INSR: variants seen among roughly 807,000 people sequenced by gnomAD.
The protein encoded by INSR is IR.
In INSR, 67 loss-of-function variants were observed where a neutral mutation model predicts 142.6. That is an observed-to-expected ratio of 0.47 (90% CI 0.39 to 0.58). The LOEUF is 0.58. Ranked by LOEUF, INSR falls within the 20% of genes least tolerant of loss-of-function variation. The probability of loss-of-function intolerance (pLI) is 0.00; values close to 1 mark genes in which losing one functional copy is unlikely to be tolerated. For missense variants in INSR, 1,248 were observed against 1,833.2 expected, an observed-to-expected ratio of 0.68 and a Z score of 5.83; for synonymous variants, 756 against 743.1, an observed-to-expected ratio of 1.02 and a Z score of -0.28.
At chr19:7,185,981 G>A (rs1274940153) in intron 2 of INSR, among the ~76,000 whole-genome samples, 1 of 151,146 alleles carries the variant, frequency 6.6e-6, no homozygotes, top group Non-Finnish European at 1.5e-5. Context: ...GATCACCTGA[G>A]GTCAGGAGTT....
At chr19:7,212,070 A>T (rs1404065693) in intron 2 of INSR, among the ~76,000 whole-genome samples, 1 of 140,432 alleles carries the variant, frequency 7.1e-6, no homozygotes, top group Non-Finnish European at 1.5e-5. Context: ...CGTCTTGTAC[A>T]TTGCAGGGTG....
chr19:7,227,220 G>A (rs895070862), intron 2 of INSR, among the ~76,000 whole-genome samples: 1 of 151,962 alleles, frequency 6.6e-6, no homozygotes, highest in Non-Finnish European at 1.5e-5. Context: ...CAGTCCCTCT[G>A]GAACAAAGAA....
intron 3 of INSR, among the ~76,000 whole-genome samples, chr19:7,176,236 T>C (rs1340693107): frequency 1.3e-5 from 2 of 152,154 alleles, no homozygotes; most frequent in Admixed American, 6.6e-5. Flanking sequence ...GGAGTTCTCA[T>C]GAATGGTCTG....
Position 7,192,219 on chromosome 19 carries a change from AAAG to A in INSR, c.653-7585_653-7583del, listed in dbSNP as rs200407592. 0.069 allele frequency among the ~76,000 whole-genome samples: 10,308 copies of A among 149,490 alleles called. 543 individuals are homozygous for A. The highest frequency in any genetic ancestry group is 0.11 in the Middle Eastern group (32 of 284). On this transcript the variant is annotated intron_variant, in intron 2 of 21. Transcript: ENST00000302850. This position sits in a 1 kb window ranked among gnomAD's most constrained non-coding sequence, Gnocchi z 4.2. ...AAGAAAAAGAAAGAAAGGAGAAAGA[AAAG>A]AAAGAGAAAGAAGGAAGGGAGGGAG...
chr19:7,198,602 C>T (rs1168960710), intron 2 of INSR, among the ~76,000 whole-genome samples: 1 of 152,050 alleles, frequency 6.6e-6, no homozygotes. Flanking sequence ...AAAGGTGCAG[C>T]GGCTCACTAG....
intron 2 of INSR, among the ~76,000 whole-genome samples, chr19:7,229,624 G>A (rs569177703): frequency 6.6e-6 from 1 of 152,200 alleles, no homozygotes; most frequent in South Asian, 2.1e-4. Context: ...CTGGGTCTGT[G>A]TTTTCCTTTT....
At chr19:7,284,361 G>A (rs543067615) in intron 1 of INSR, among the ~76,000 whole-genome samples, 1 of 152,138 alleles carries the variant, frequency 6.6e-6, no homozygotes, top group South Asian at 2.1e-4. Context: ...ACCGTGCCCC[G>A]CCACGCTGCC....
At chr19:7,263,005 C>T (rs1466966187) in intron 2 of INSR, among the ~76,000 whole-genome samples, 3 of 152,118 alleles carry the variant, frequency 2.0e-5, no homozygotes, top group Non-Finnish European at 2.9e-5. Flanking sequence ...GGGCCAGGCG[C>T]GGTGGCACTC....
intron 2 of INSR, among the ~76,000 whole-genome samples, chr19:7,207,446 A>C (rs1975135269): frequency 6.6e-6 from 1 of 151,950 alleles, no homozygotes; most frequent in African/African-American, 2.4e-5. Flanking sequence ...CAAAATAAAA[A>C]ATTAAAATGA....
At chr19:7,132,369 G>A (rs182855814) in intron 13 of INSR, 52 bp from the exon 14 acceptor site, 1 of 1,593,180 alleles carries the variant, frequency 6.3e-7, no homozygotes, top group Admixed American at 1.7e-5. Flanking sequence ...GCACATCTGG[G>A]AGTGTCCACC....
intron 3 of INSR, among the ~76,000 whole-genome samples, chr19:7,176,715 T>C (rs556913563): frequency 1.3e-5 from 2 of 152,306 alleles, no homozygotes; most frequent in Non-Finnish European, 2.9e-5. Flanking sequence ...TCCTGAGGTC[T>C]CCCCAGAAGC....
At position 7,258,783 on chromosome 19, in the gene INSR, T is replaced by C. The variant is rs1362738146; in HGVS notation, c.652+8562A>G. On this transcript the variant is annotated intron_variant, in intron 2 of 21. Transcript: ENST00000302850. The stretch of plus-strand genomic sequence containing the variant: ...GGTGCTTGAGATACAACAAAGTCCC[T>C]GCCTTCAGGAGAGCTTAGTCTGATA... Among the ~76,000 whole-genome samples the C allele has an allele frequency of 2.7e-5, 4 of 149,190 alleles. No homozygotes were observed. The East Asian group carries it at 7.7e-4, about 29-fold the overall frequency.
chr19:7,257,433 C>T (rs12977065), intron 2 of INSR, among the ~76,000 whole-genome samples: 10,378 of 146,814 alleles, frequency 0.071, 401 homozygotes, highest in East Asian at 0.12. Context: ...ATGACTCACT[C>T]GAAGGGGAAA....
chr19:7,200,859 C>CAAAAAAAAA (rs59770137), intron 2 of INSR, among the ~76,000 whole-genome samples: 2 of 76,310 alleles, frequency 2.6e-5, no homozygotes, highest in Non-Finnish European at 2.5e-5. Context: ...GACCTTATCT[C>CAAAAAAAAA]AAAAAAAAAA....
At chr19:7,210,309 C>T (rs1267416116) in intron 2 of INSR, among the ~76,000 whole-genome samples, 1 of 142,490 alleles carries the variant, frequency 7.0e-6, no homozygotes, top group Non-Finnish European at 1.5e-5. Flanking sequence ...TGAGCCATTG[C>T]ACTGCAGCCT....
In INSR at chr19:7,119,511, C is replaced by G; in HGVS notation, c.3732G>C (p.Gln1244His). The change falls in exon 21 of 22, where the codon CAG becomes CAC. Residue 1244 changes from glutamine (Q) to histidine (H), a missense_variant. Around this residue, in one of 3 missense-constraint regions of INSR, gnomAD observed 1,069 missense variants for 1,654.0 expected, o/e 0.65. Transcript: ENST00000302850. The surrounding 1 kb of genome is among the most constrained non-coding windows in gnomAD (Gnocchi z 5.2). ...EQPYQGLSNE[Q>H]VLKFVMDGGY... ...CTCCATCCATGACAAATTTCAACAC[C>G]TGTTCATTAGACAGGCCTTGGTAAG... is the stretch of plus-strand genomic sequence containing the variant. 2 of 1,614,192 alleles carry G rather than the reference C, an allele frequency of 1.2e-6. No individual in the cohort carries two copies. Among genetic ancestry groups the G allele is most frequent in the Non-Finnish European group, 1.7e-6 (2 of 1,180,034 alleles).
In INSR at chr19:7,173,612, C is replaced by CTTTTT. The variant is rs953885301; in HGVS notation, c.1123+966_1123+970dup. Among the ~76,000 whole-genome samples the CTTTTT allele has an allele frequency of 2.3e-3, 140 of 61,494 alleles. 6 individuals are homozygous for CTTTTT. Among genetic ancestry groups the CTTTTT allele is most frequent in the African/African-American group, 6.4e-3 (74 of 11,518 alleles). 40.3% of individuals were successfully genotyped at this position (61,494 alleles called of 152,430 possible). A position where few individuals can be genotyped will look rare whatever the true frequency, so the allele number is the denominator to read the frequency against. On this transcript the variant is annotated intron_variant, in intron 4 of 21. Coordinates refer to ENST00000302850, the MANE Select transcript of INSR (RefSeq NM_000208.4). ...TACAGGCATGAGCCACAGCGCCTGG[C>CTTTTT]TTTTTTTTTTTTTTTTTTTTTTTTT... is the stretch of plus-strand genomic sequence containing the variant.
rs1489220752 is a variant in INSR at position 7,152,715 on chromosome 19, C to T, written c.2231+11G>A. ...GGCACCCACTAAGAGAGCCCAGCGC[C>T]AAGTCCTGACCTGGGGACGAAAACC... On this transcript the variant is annotated intron_variant, in intron 10 of 21. Coordinates refer to ENST00000302850, the MANE Select transcript of INSR (RefSeq NM_000208.4). 2.5e-6 allele frequency: 4 copies of T among 1,610,520 alleles called. No individual in the cohort carries two copies. The South Asian group carries it at 3.3e-5, about 13-fold the overall frequency.
chr19:7,184,375 G>C lies in INSR; in HGVS notation c.915C>G (p.Val305=), dbSNP rs776268465. The change falls in exon 3 of 22, where the codon GTC becomes GTG. Residue 305 remains valine (V), a synonymous_variant. Transcript: ENST00000302850. ...NSRRQGCHQY[V]IHNNKCIPEC... Reference sequence around the variant, plus strand: ...CAGGGATGCACTTGTTGTTGTGAATGACGTACTGGTGGCAGCCCTGCCTCC... The same window carrying C: ...CAGGGATGCACTTGTTGTTGTGAATCACGTACTGGTGGCAGCCCTGCCTCC... 10 of 1,614,068 alleles carry C rather than the reference G, an allele frequency of 6.2e-6. No individual in the cohort carries two copies. Among genetic ancestry groups the C allele is most frequent in the Non-Finnish European group, 8.5e-6 (10 of 1,180,034 alleles).
Sources: allele counts gnomAD v4.1 joint callset (sites outside exome capture counted in the v4.1 genomes callset), GRCh38; gene constraint gnomAD v4.1.1; regional missense constraint gnomAD v4.1.1; non-coding constraint Gnocchi (gnomAD v3.1); transcripts MANE v1.5; gene names NCBI Gene and HGNC (gene_info 2026-07-23, HGNC 2026-07-21).